TSPAN9: variants seen among roughly 807,000 people sequenced by gnomAD.
TSPAN9 encodes the protein tetraspanin-9.
TSPAN9 carries 16 observed loss-of-function variants against 31.0 expected under a neutral mutation model. The observed-to-expected ratio is 0.52, with a 90% confidence interval of 0.35 to 0.78. The LOEUF (loss-of-function observed/expected upper bound fraction) is 0.78, where lower values mean the gene tolerates loss of function less well. Among genes scored for constraint, TSPAN9 ranks in the 30% least tolerant of loss-of-function variants. The pLI is 0.01. For synonymous variants in TSPAN9, 145 were observed against 121.6 expected, an observed-to-expected ratio of 1.19 and a Z score of -1.27; for missense variants, 272 against 312.5, an observed-to-expected ratio of 0.87 and a Z score of 0.98.
intron 1 of TSPAN9, among the ~76,000 whole-genome samples, chr12:3,079,793 G>A (rs2098296905): frequency 7.4e-6 from 1 of 135,078 alleles, no homozygotes; most frequent in African/African-American, 2.9e-5. Flanking sequence ...TTTTTTTAGA[G>A]ACAGGGTCTT....
chr12:3,144,386 C>T (rs2098336197), intron 2 of TSPAN9, among the ~76,000 whole-genome samples: 1 of 152,152 alleles, frequency 6.6e-6, no homozygotes, highest in African/African-American at 2.4e-5. Context: ...CAGGTGTGAG[C>T]CACTGTGCCT....
chr12:3,133,564 C>A (rs865944304), intron 2 of TSPAN9, among the ~76,000 whole-genome samples: 13 of 152,310 alleles, frequency 8.5e-5, no homozygotes, highest in Middle Eastern at 3.4e-3. Context: ...CTTCCCCCCA[C>A]CCTCATCTAA....
In TSPAN9 at chr12:3,174,249, TACAG is replaced by T. The variant is rs1340661680; in HGVS notation, c.-17-26922_-17-26919del. Among the ~76,000 whole-genome samples, 8 of 152,242 alleles carry T rather than the reference TACAG, an allele frequency of 5.3e-5. No homozygotes were observed. In the East Asian group the frequency reaches 1.5e-3, roughly 29 times the overall value. On this transcript the variant is annotated intron_variant, in intron 2 of 8. Transcript: ENST00000011898. Reference sequence around the variant, plus strand: ...TACCTGGCTAGTTTTTTAGTTTTTGTACAGACAGAGTCTTACTATGTTGCCCAGG... The same window carrying T: ...TACCTGGCTAGTTTTTTAGTTTTTGTACAGAGTCTTACTATGTTGCCCAGG...
chr12:3,154,734 T>C (rs2098341407), intron 2 of TSPAN9, among the ~76,000 whole-genome samples: 1 of 152,260 alleles, frequency 6.6e-6, no homozygotes. Flanking sequence ...TCTTTTGTTT[T>C]AAGTAAATAC....
chr12:3,225,646 G>A (rs554387401), intron 3 of TSPAN9, among the ~76,000 whole-genome samples: 5 of 152,204 alleles, frequency 3.3e-5, no homozygotes, highest in African/African-American at 9.6e-5. Flanking sequence ...GCTTGGTTCC[G>A]GAGCTTAAGA....
intron 3 of TSPAN9, among the ~76,000 whole-genome samples, chr12:3,227,848 G>C (rs2098388648): frequency 6.6e-6 from 1 of 152,192 alleles, no homozygotes; most frequent in Non-Finnish European, 1.5e-5. Flanking sequence ...GGTAGGCTGG[G>C]GTGGTACAGG....
At chr12:3,180,459 A>G (rs899201786) in intron 2 of TSPAN9, among the ~76,000 whole-genome samples, 4 of 151,480 alleles carry the variant, frequency 2.6e-5, no homozygotes, top group African/African-American at 9.7e-5. Context: ...CCCAGGCAGC[A>G]GAGCGAGATG....
At chr12:3,244,661 C>G (rs57373146) in intron 3 of TSPAN9, among the ~76,000 whole-genome samples, 1 of 152,220 alleles carries the variant, frequency 6.6e-6, no homozygotes, top group Non-Finnish European at 1.5e-5. Context: ...ATGGCGATCC[C>G]CCAGCCACCC....
intron 3 of TSPAN9, among the ~76,000 whole-genome samples, chr12:3,256,026 A>G (rs1862338716): frequency 6.6e-6 from 1 of 152,132 alleles, no homozygotes; most frequent in Non-Finnish European, 1.5e-5. Flanking sequence ...CGCCTCTTGC[A>G]GTAGGTGGAG....
At chr12:3,255,162 T>A (rs752709779) in intron 3 of TSPAN9, among the ~76,000 whole-genome samples, 1 of 152,244 alleles carries the variant, frequency 6.6e-6, no homozygotes, top group Admixed American at 6.5e-5. Context: ...GGCTGATGGG[T>A]GCAGGGACAG....
In TSPAN9 at chr12:3,278,567, C is replaced by T. The variant is rs141756338; in HGVS notation, c.210C>T (p.Leu70=). ...CCATTGTCATGGTGACGGGCTTCCT[C>T]GGCTGCCTGGGGGCCATCAAGGAAA... ...IGTIVMVTGF[L]GCLGAIKENK... Residue 70 remains leucine (L), a synonymous_variant, in exon 4 of 9, where the codon CTC becomes CTT. Transcript: ENST00000011898. The T allele has an allele frequency of 2.0e-5, 33 of 1,614,060 alleles. No individual in the cohort carries two copies. The highest frequency in any genetic ancestry group is 1.4e-4 in the South Asian group (13 of 91,080).
chr12:3,195,121 T>G (rs2153972367), intron 2 of TSPAN9, among the ~76,000 whole-genome samples: 1 of 152,312 alleles, frequency 6.6e-6, no homozygotes, highest in Non-Finnish European at 1.5e-5. Flanking sequence ...GTTTGAGGCT[T>G]AAAGGCACAG....
intron 2 of TSPAN9, among the ~76,000 whole-genome samples, chr12:3,096,635 C>T (rs982140007): frequency 1.3e-5 from 2 of 151,984 alleles, no homozygotes; most frequent in African/African-American, 4.8e-5. Context: ...TTTAAAACCA[C>T]CCATCTTCAT....
At chr12:3,118,168 C>T (rs749853268) in intron 2 of TSPAN9, among the ~76,000 whole-genome samples, 26 of 150,868 alleles carry the variant, frequency 1.7e-4, no homozygotes, top group Non-Finnish European at 2.5e-4. Context: ...AGAACCCCCC[C>T]GGCATGTAGA....
At chr12:3,221,670 T>C (rs1477987327) in intron 3 of TSPAN9, among the ~76,000 whole-genome samples, 2 of 152,124 alleles carry the variant, frequency 1.3e-5, no homozygotes, top group Non-Finnish European at 2.9e-5. Flanking sequence ...AACAAATTTT[T>C]TTTGAGATAG....
chr12:3,158,677 G>A (rs556377134), intron 2 of TSPAN9, among the ~76,000 whole-genome samples: 11 of 124,330 alleles, frequency 8.8e-5, no homozygotes, highest in Admixed American at 2.2e-4. Flanking sequence ...AGCCGAGATC[G>A]TACCATTGCA....
chr12:3,268,465 T>C (rs867487002), intron 3 of TSPAN9, among the ~76,000 whole-genome samples: 967 of 93,386 alleles, frequency 0.01, 17 homozygotes, highest in African/African-American at 0.035. Flanking sequence ...GCCTGCCCTC[T>C]GTGCGTTCCT....
intron 2 of TSPAN9, among the ~76,000 whole-genome samples, chr12:3,100,421 T>A (rs975028241): frequency 6.6e-6 from 1 of 152,238 alleles, no homozygotes; most frequent in African/African-American, 2.4e-5. Flanking sequence ...GGACTCCATT[T>A]GGATTCCTGT....
rs1565647677 is a variant in TSPAN9 at position 3,285,100 on chromosome 12, G to GC, written c.*1987dup. The GC allele has an allele frequency of 6.6e-6, 1 of 152,256 alleles. No homozygotes were observed. The highest frequency in any genetic ancestry group is 1.5e-5 in the Non-Finnish European group (1 of 68,076). 9.4% of individuals were successfully genotyped at this position (152,256 alleles called of 1,614,324 possible). ...GGGAGGCCCACATTTGAGCAAAGCT[G>GC]CCCTGCCCTTGTCCCCTGGCCTGGC... is the stretch of plus-strand genomic sequence containing the variant. On this transcript the variant is annotated 3_prime_UTR_variant, in exon 9 of 9. Transcript: ENST00000011898.
Sources: allele counts gnomAD v4.1 joint callset (sites outside exome capture counted in the v4.1 genomes callset), GRCh38; gene constraint gnomAD v4.1.1; transcripts MANE v1.5; gene names NCBI Gene and HGNC (gene_info 2026-07-23, HGNC 2026-07-21).